Variants in MDN1 observed in about 807,000 individuals in gnomAD.
The protein encoded by MDN1 is midasin AAA ATPase 1.
In MDN1, 266 loss-of-function variants were observed where a neutral mutation model predicts 669.2. The observed-to-expected ratio is 0.40, with a 90% CI of 0.36 to 0.44. The LOEUF is 0.44. MDN1 is among the 20% of genes least tolerant of loss of function. MDN1 has a pLI of 1.00. For synonymous variants in MDN1, 2,385 were observed against 2,457.1 expected, an observed-to-expected ratio of 0.97 and a Z score of 0.87; for missense variants, 5,940 against 6,754.0, an observed-to-expected ratio of 0.88 and a Z score of 4.22.
Position 89,745,112 on chromosome 6 carries a change from C to T in MDN1, c.4178+161G>A, listed in dbSNP as rs536240801. ...CTAATGCTATCCCTCCCCCAGCCCC[C>T]GACCCACTCTTAGTCTCTTCTTAAA... is the stretch of plus-strand genomic sequence containing the variant. On this transcript the variant is annotated intron_variant, in intron 29 of 101. Coordinates refer to ENST00000369393, the MANE Select transcript of MDN1 (RefSeq NM_014611.3). Among the ~76,000 whole-genome samples the T allele has an allele frequency of 1.4e-3, 195 of 135,438 alleles. 1 individual carries two copies. Among genetic ancestry groups the T allele is most frequent in the African/African-American group, 5.1e-3 (183 of 35,958 alleles). The allele number at this position is 135,438 out of a possible 152,430, so 88.9% of individuals were successfully genotyped here. A position where few individuals can be genotyped will look rare whatever the true frequency, so the allele number is the denominator to read the frequency against.
At chr6:89,671,282 G>A (rs1052610059) in intron 82 of MDN1, among the ~76,000 whole-genome samples, 2 of 152,040 alleles carry the variant, frequency 1.3e-5, no homozygotes, top group Admixed American at 6.5e-5. Flanking sequence ...TACATATATC[G>A]TCACAAAAGT....
rs1380089630 is a variant in MDN1 at position 89,701,908 on chromosome 6, C to T, written c.8302G>A (p.Asp2768Asn). The T allele has an allele frequency of 6.2e-7, 1 of 1,610,864 alleles. No homozygotes were observed. Among genetic ancestry groups the T allele is most frequent in the South Asian group, 1.1e-5 (1 of 90,416 alleles). ...QIPRLLMNYEDKYYKEVQTVS... is the reference protein window; with the variant it reads ...QIPRLLMNYENKYYKEVQTVS... ...TACTCTAAATATGAATCTTACTTGTCTTCATAATTCATCAGAAGTCGGGGG... is the reference window on the plus strand; with the variant it reads ...TACTCTAAATATGAATCTTACTTGTTTTCATAATTCATCAGAAGTCGGGGG... The change falls in exon 54 of 102, where the codon GAC (aspartate) becomes AAC (asparagine). Residue 2768 changes from aspartate (D) to asparagine (N), a missense_variant. Asp to Asn is a conservative substitution (Grantham distance 23). Around this residue, in one of 5 missense-constraint regions of MDN1, gnomAD observed 2,292 missense variants for 2,638.3 expected, o/e 0.87. Transcript: ENST00000369393.
chr6:89,722,260 C>A (rs553666680), intron 40 of MDN1, among the ~76,000 whole-genome samples: 1 of 152,320 alleles, frequency 6.6e-6, no homozygotes, highest in South Asian at 2.1e-4. Flanking sequence ...ACTTTCTAGA[C>A]AAAATGCTTT....
rs1808257578 is a variant in MDN1 at position 89,642,895 on chromosome 6, A to G, written c.*1110T>C. 1 of 152,264 alleles carries G rather than the reference A, an allele frequency of 6.6e-6. No individual in the cohort carries two copies. The highest frequency in any genetic ancestry group is 1.5e-5 in the Non-Finnish European group (1 of 68,044). The allele number at this position is 152,264 out of a possible 1,614,324, so 9.4% of individuals were successfully genotyped here. A position where few individuals can be genotyped will look rare whatever the true frequency, so the allele number is the denominator to read the frequency against. On this transcript the variant is annotated 3_prime_UTR_variant, in exon 102 of 102. Transcript: ENST00000369393. ...TTTGGGACACTTGGTTAAACAAGGA[A>G]TCTGTGTCTTTGATGACCACCTCAA...
At chr6:89,644,814 T>C (rs1808378385) in intron 101 of MDN1, among the ~76,000 whole-genome samples, 2 of 152,212 alleles carry the variant, frequency 1.3e-5, no homozygotes, top group African/African-American at 4.8e-5. Context: ...AAAGTGGGAA[T>C]AATGATCCCT....
chr6:89,704,104 G>C (rs1038367974), intron 53 of MDN1, among the ~76,000 whole-genome samples: 2 of 152,134 alleles, frequency 1.3e-5, no homozygotes, highest in African/African-American at 4.8e-5. Context: ...AAACTGGCCA[G>C]GAACAGTGGC....
chr6:89,678,930 AC>A (rs1180538828), intron 74 of MDN1, among the ~76,000 whole-genome samples, 185 bp from the exon 75 acceptor site: 4 of 152,184 alleles, frequency 2.6e-5, no homozygotes, highest in African/African-American at 4.8e-5. Context: ...TTTTAACCAA[AC>A]TGGTCAAGGT....
In MDN1 at chr6:89,658,771, C is replaced by A; in HGVS notation, c.14860G>T (p.Glu4954Ter). The change falls in exon 89 of 102, where the codon GAA (glutamate) becomes TAA (stop). Residue 4954 changes from glutamate (E) to a stop codon, truncating the protein, a stop_gained. Coordinates refer to ENST00000369393, the MANE Select transcript of MDN1 (RefSeq NM_014611.3). LOFTEE classifies it high-confidence loss of function. ...TCAGCTCCTGTGTCCATTTCCTCTT[C>A]CCCTTCTGCCTTGTCATCTTCACTG... ...GPSEDDKAEGEEEMDTGADDQ... is the reference protein window; with the variant it reads ...GPSEDDKAEG 1.2e-6 allele frequency: 2 copies of A among 1,614,190 alleles called. No individual in the cohort carries two copies. The highest frequency in any genetic ancestry group is 1.7e-6 in the Non-Finnish European group (2 of 1,180,042).
rs776822638 is a variant in MDN1, at chr6:89,743,599, C to A, written c.4294G>T (p.Val1432Leu). ...TSDFLGGLRP[V>L]RQKPNDKEEI... is the part of the protein sequence containing the mutation. ...ACCTTGTCGTTTGGCTTTTGTCTCA[C>A]TGGCCGCAGGCCACCCAGGAAGTCT... The change falls in exon 30 of 102, where the codon GTG becomes TTG. Residue 1432 changes from valine (V) to leucine (L), a missense_variant. Transcript: ENST00000369393. The A allele has an allele frequency of 6.2e-7, 1 of 1,613,862 alleles. No individual in the cohort carries two copies. Among genetic ancestry groups the A allele is most frequent in the South Asian group, 1.1e-5 (1 of 91,000 alleles).
rs1362041094 is a variant in MDN1 at position 89,678,584 on chromosome 6, A to C, written c.12412+15T>G. 1 of 1,611,456 alleles carries C rather than the reference A, an allele frequency of 6.2e-7. No homozygotes were observed. The highest frequency in any genetic ancestry group is 8.5e-7 in the Non-Finnish European group (1 of 1,178,882). On this transcript the variant is annotated intron_variant, in intron 75 of 101. Transcript: ENST00000369393. ...TGGTGACTACATTTCATTGGGTTTC[A>C]AGTGAGAACCTTACCAATTTTTGCA...
chr6:89,702,060 A>T lies in MDN1; in HGVS notation c.8150T>A (p.Ile2717Asn), dbSNP rs1193345312. ...GMVSDASANE[I>N]LGSLRWRDRF... ...GTCCCGCCACCGCAGAGAACCTAAG[A>T]TCTAAAAACAAAGTCTCTTAGATAA... The change falls in exon 54 of 102, where the codon ATC becomes AAC. Residue 2717 changes from isoleucine (I) to asparagine (N), a missense_variant and splice_region_variant. Ile to Asn is a moderately radical substitution (Grantham distance 149). Transcript: ENST00000369393. The T allele has an allele frequency of 6.3e-7, 1 of 1,586,338 alleles. No homozygotes were observed. The highest frequency in any genetic ancestry group is 2.2e-5 in the East Asian group (1 of 44,520).
intron 99 of MDN1, 98 bp downstream of exon 99, chr6:89,647,934 C>T (rs2128297687): frequency 1.1e-6 from 1 of 911,312 alleles, no homozygotes. Context: ...GCCTGGGTGA[C>T]AGAACAAGGT....
Position 89,713,260 on chromosome 6 carries a change from G to C in MDN1, c.7106C>G (p.Thr2369Arg), listed in dbSNP as rs766832437. 3 of 1,613,830 alleles carry C rather than the reference G, an allele frequency of 1.9e-6. No individual in the cohort carries two copies. The Admixed American group carries it at 5.0e-5, about 27-fold the overall frequency. Residue 2369 changes from threonine (T) to arginine (R), a missense_variant, in exon 47 of 102, where the codon ACA becomes AGA. Coordinates refer to ENST00000369393, the MANE Select transcript of MDN1 (RefSeq NM_014611.3). ...PTSSVSTLIQ[T>R]AILIVQYLQR... The stretch of plus-strand genomic sequence containing the variant: ...CAGGTACTGGACAATTAGTATGGCT[G>C]TCTGGATTAGAGTTGATACAGAAGA...
intron 34 of MDN1, among the ~76,000 whole-genome samples, chr6:89,731,953 C>T (rs898239609): frequency 6.6e-6 from 1 of 151,344 alleles, no homozygotes; most frequent in Admixed American, 6.6e-5. Flanking sequence ...ACCCCTCCCC[C>T]TTCCTCTCCA....
In MDN1 at chr6:89,684,775, C is replaced by T. The variant is rs571656312; in HGVS notation, c.11829+101G>A. On this transcript the variant is annotated intron_variant, in intron 71 of 101. Transcript: ENST00000369393. ...CGGTGGCAATGCTCACCTCTATTCC[C>T]CTAGGTCCCTGCCTCAGTGTTAAAT... 430 of 702,758 alleles carry T rather than the reference C, an allele frequency of 6.1e-4. 1 individual carries two copies. The highest frequency in any genetic ancestry group is 9.6e-4 in the Non-Finnish European group (396 of 411,878). 43.5% of individuals were successfully genotyped at this position (702,758 alleles called of 1,614,324 possible). A position where few individuals can be genotyped will look rare whatever the true frequency, so the allele number is the denominator to read the frequency against.
At chr6:89,785,672 A>G (rs1219301651) in intron 8 of MDN1, among the ~76,000 whole-genome samples, 1 of 152,240 alleles carries the variant, frequency 6.6e-6, no homozygotes, top group Non-Finnish European at 1.5e-5. Flanking sequence ...TCTGACATAA[A>G]TGGAAGAGAA....
chr6:89,797,451 CT>C (rs1421198678), intron 2 of MDN1: 2 of 181,616 alleles, frequency 1.1e-5, no homozygotes, highest in East Asian at 3.5e-4. Flanking sequence ...GGGTTCTGTT[CT>C]TGTGGTCGGC....
At chr6:89,744,103 T>TAAAA (rs576136951) in intron 29 of MDN1, among the ~76,000 whole-genome samples, 17 of 36,736 alleles carry the variant, frequency 4.6e-4, no homozygotes, top group Admixed American at 1.2e-3. Context: ...AATGCCTTCT[T>TAAAA]AAAAAAAAAA....
chr6:89,750,458 G>A lies in MDN1; in HGVS notation c.3302C>T (p.Thr1101Ile). ...TSLIQWLAAA[T>I]GNHCVRINNH... ...ATTAATACGCACACAGTGGTTGCCAGTAGCTGCAGCCAGCCACTGGATCAG... is the reference window on the plus strand; with the variant it reads ...ATTAATACGCACACAGTGGTTGCCAATAGCTGCAGCCAGCCACTGGATCAG... Residue 1101 changes from threonine (T) to isoleucine (I), a missense_variant, in exon 24 of 102, where the codon ACT becomes ATT. Physicochemically the swap from Thr to Ile is moderately conservative, Grantham distance 89. Transcript: ENST00000369393. 6.2e-7 allele frequency: 1 copy of A among 1,614,070 alleles called. No individual in the cohort carries two copies. The highest frequency in any genetic ancestry group is 8.5e-7 in the Non-Finnish European group (1 of 1,179,938).
Sources: allele counts gnomAD v4.1 joint callset (sites outside exome capture counted in the v4.1 genomes callset), GRCh38; gene constraint gnomAD v4.1.1; regional missense constraint gnomAD v4.1.1; transcripts MANE v1.5; gene names NCBI Gene and HGNC (gene_info 2026-07-23, HGNC 2026-07-21).